The following CLVS1 variants were observed in gnomAD, a reference collection of about 807,000 sequenced individuals.
CLVS1 encodes clavesin 1.
A neutral mutation model predicts 33.1 loss-of-function variants in CLVS1; 10 were observed. That is an observed-to-expected ratio of 0.30 (90% CI 0.19 to 0.51). The LOEUF is 0.51. Ranked by LOEUF, CLVS1 falls within the 20% of genes least tolerant of loss-of-function variation. The pLI is 0.97. For synonymous variants in CLVS1, 163 were observed against 166.1 expected, an observed-to-expected ratio of 0.98 and a Z score of 0.14; for missense variants, 343 against 433.4, an observed-to-expected ratio of 0.79 and a Z score of 1.85.
intron 1 of CLVS1, among the ~76,000 whole-genome samples, chr8:61,116,170 T>G (rs1805720170): frequency 6.6e-6 from 1 of 152,086 alleles, no homozygotes; most frequent in Non-Finnish European, 1.5e-5. Context: ...CATAAATGTC[T>G]TCTTTTGAGA....
chr8:61,014,375 TG>T, the CLVS1 span, among the ~76,000 whole-genome samples: 4 of 152,172 alleles, frequency 2.6e-5, no homozygotes, highest in Non-Finnish European at 2.9e-5. Flanking sequence ...CCTGAGTTGA[TG>T]GGTGGTGACT....
At chr8:60,970,959 C>T in the CLVS1 span, among the ~76,000 whole-genome samples, 90 of 151,470 alleles carry the variant, frequency 5.9e-4, 1 homozygote, top group African/African-American at 1.5e-3. Flanking sequence ...CTTTCTAAAA[C>T]GTTTCCTCAA....
intron 3 of CLVS1, among the ~76,000 whole-genome samples, chr8:61,409,753 G>A (rs1275893189): frequency 6.6e-6 from 1 of 152,144 alleles, no homozygotes; most frequent in Non-Finnish European, 1.5e-5. Context: ...ATCCTCTACT[G>A]CCAATCATGT....
chr8:61,383,755 G>A (rs942897887), intron 3 of CLVS1, among the ~76,000 whole-genome samples: 1 of 152,074 alleles, frequency 6.6e-6, no homozygotes, highest in African/African-American at 2.4e-5. Context: ...CCATTTAAAT[G>A]AGTTTATCTT....
rs80011456 is a variant in CLVS1, at chr8:61,245,999, T to A, written c.-151-53678T>A. 3.7e-3 allele frequency among the ~76,000 whole-genome samples: 569 copies of A among 151,986 alleles called. 1 individual carries two copies. Among genetic ancestry groups the A allele is most frequent in the African/African-American group, 0.011 (465 of 41,464 alleles). ...GTTGCCCAGACTGGTCTCGAACTCC[T>A]GACGTCATATGATCCTCCTGTCTTT... On this transcript the variant is annotated intron_variant, in intron 2 of 2. Coordinates refer to the CLVS1 transcript ENST00000522621.
At chr8:61,368,507 A>C (rs906258595) in intron 2 of CLVS1, among the ~76,000 whole-genome samples, 1 of 152,198 alleles carries the variant, frequency 6.6e-6, no homozygotes, top group Admixed American at 6.5e-5. Context: ...TTTTGTCCTC[A>C]GTAGCATTGG....
the CLVS1 span, among the ~76,000 whole-genome samples, chr8:60,983,234 G>A: frequency 6.6e-6 from 1 of 152,182 alleles, no homozygotes; most frequent in Non-Finnish European, 1.5e-5. Flanking sequence ...GGAATTCTGA[G>A]TGTGTGTTAG....
intron 3 of CLVS1, among the ~76,000 whole-genome samples, chr8:61,422,924 C>T (rs1442874040): frequency 6.6e-6 from 1 of 151,966 alleles, no homozygotes; most frequent in Non-Finnish European, 1.5e-5. Context: ...AGAGATAAGC[C>T]CCTTCCCCGG....
intron 3 of CLVS1, among the ~76,000 whole-genome samples, chr8:61,440,486 T>C (rs778364742): frequency 3.3e-5 from 5 of 152,242 alleles, no homozygotes; most frequent in Non-Finnish European, 7.3e-5. Flanking sequence ...TTGCCAAAGA[T>C]GTTTGCTTCA....
chr8:61,438,696 T>G (rs1294635706), intron 3 of CLVS1, among the ~76,000 whole-genome samples: 1 of 152,228 alleles, frequency 6.6e-6, no homozygotes, highest in Non-Finnish European at 1.5e-5. Flanking sequence ...ATCTGCTGTT[T>G]CTTGAATTTT....
chr8:61,062,759 A>G (rs910520417), intron 1 of CLVS1, among the ~76,000 whole-genome samples: 3 of 152,182 alleles, frequency 2.0e-5, no homozygotes, highest in Non-Finnish European at 4.4e-5. Flanking sequence ...TCTTTCTTCC[A>G]GTCATTCAGC....
At chr8:61,044,224 C>T in the CLVS1 span, among the ~76,000 whole-genome samples, 29,555 of 151,910 alleles carry the variant, frequency 0.19, 3,869 homozygotes, top group African/African-American at 0.37. Context: ...AAAGGAGTTA[C>T]AGCATAGAAC....
chr8:61,038,911 T>C, the CLVS1 span, among the ~76,000 whole-genome samples: 1 of 152,244 alleles, frequency 6.6e-6, no homozygotes, highest in African/African-American at 2.4e-5. Context: ...CTTAAATAGG[T>C]TAAGCTCTTT....
chr8:61,386,413 T>A (rs1274173308), intron 3 of CLVS1, among the ~76,000 whole-genome samples: 3 of 152,180 alleles, frequency 2.0e-5, no homozygotes, highest in African/African-American at 7.2e-5. Flanking sequence ...TAGGTCAGGA[T>A]GGGAAATAGG....
chr8:61,325,942 G>A (rs982603462), intron 2 of CLVS1, among the ~76,000 whole-genome samples: 1 of 151,942 alleles, frequency 6.6e-6, no homozygotes, highest in African/African-American at 2.4e-5. Flanking sequence ...TCCACTTTCT[G>A]CCGATCCACA....
intron 2 of CLVS1, among the ~76,000 whole-genome samples, chr8:61,212,176 C>T (rs73684426): frequency 0.054 from 8,289 of 152,212 alleles, 567 homozygotes; most frequent in African/African-American, 0.16. Context: ...GCAGCCTCTC[C>T]GCCCTCCAGT....
rs962882991 is a variant in CLVS1, at chr8:61,436,077, T to C, written c.631-18064T>C. The stretch of plus-strand genomic sequence containing the variant: ...TTTTGCAGCCTGCTTTCTCATATAA[T>C]GTCAGCTCATAATTTAGACAGCCTA... On this transcript the variant is annotated intron_variant, in intron 3 of 5. Coordinates refer to ENST00000325897, the MANE Select transcript of CLVS1 (RefSeq NM_173519.3). Among the ~76,000 whole-genome samples the C allele has an allele frequency of 3.3e-5, 5 of 152,238 alleles. No homozygotes were observed. The East Asian group carries it at 9.6e-4, about 29-fold the overall frequency.
At chr8:60,974,829 T>G in the CLVS1 span, among the ~76,000 whole-genome samples, 4 of 145,362 alleles carry the variant, frequency 2.8e-5, no homozygotes, top group African/African-American at 7.6e-5. Flanking sequence ...TTTGAAAGAG[T>G]GAATATTTTA....
At chr8:61,497,416 C>T (rs1804303578) in intron 5 of CLVS1, among the ~76,000 whole-genome samples, 1 of 134,040 alleles carries the variant, frequency 7.5e-6, no homozygotes, top group Admixed American at 8.0e-5. Context: ...GGAGGTTCAT[C>T]TGTGCCCTGG....
Sources: gnomAD v4.1 joint callset for allele counts (sites outside exome capture counted in the v4.1 genomes callset) on GRCh38, gnomAD v4.1.1 for gene constraint, MANE v1.5 for transcripts, NCBI Gene and HGNC (gene_info 2026-07-23, HGNC 2026-07-21) for gene names.